Variants in GOLPH3L observed in about 807,000 individuals in gnomAD.
GOLPH3L encodes golgi phosphoprotein 3 like.
A neutral mutation model predicts 30.3 loss-of-function variants in GOLPH3L; 22 were observed. The observed-to-expected ratio is 0.73, with a 90% CI of 0.52 to 1.04. The LOEUF (loss-of-function observed/expected upper bound fraction) is 1.04, where lower values mean the gene tolerates loss of function less well. GOLPH3L is among the 50% of genes least tolerant of loss of function. GOLPH3L has a pLI of 0.00. For synonymous variants in GOLPH3L, 120 were observed against 128.2 expected, an observed-to-expected ratio of 0.94 and a Z score of 0.43; for missense variants, 303 against 345.8, an observed-to-expected ratio of 0.88 and a Z score of 0.98.
At chr1:150,675,779 CAAAAAAAA>C (rs58158655) in intron 2 of GOLPH3L, among the ~76,000 whole-genome samples, 1 of 49,262 alleles carries the variant, frequency 2.0e-5, no homozygotes, top group Non-Finnish European at 3.3e-5. Context: ...GACTCTGTCT[CAAAAAAAA>C]AAAAAAAAAA....
rs587772993 is a variant in GOLPH3L at position 150,671,040 on chromosome 1, G to A, written c.184-7277C>T. Reference sequence around the variant, plus strand: ...GGATCACCTGAGGTCAGGAGTTTGAGACCAGCCTGGCCAACATGGTGAAAC... The same window carrying A: ...GGATCACCTGAGGTCAGGAGTTTGAAACCAGCCTGGCCAACATGGTGAAAC... On this transcript the variant is annotated intron_variant, in intron 2 of 4. Coordinates refer to ENST00000271732, the MANE Select transcript of GOLPH3L (RefSeq NM_018178.6). 2.6e-5 allele frequency among the ~76,000 whole-genome samples: 4 copies of A among 152,112 alleles called. No homozygotes were observed. In the South Asian group the frequency reaches 8.3e-4, roughly 32 times the overall value.
At chr1:150,677,490 A>G (rs919997677) in intron 2 of GOLPH3L, among the ~76,000 whole-genome samples, 9 of 150,368 alleles carry the variant, frequency 6.0e-5, no homozygotes, top group Non-Finnish European at 1.2e-4. Flanking sequence ...CACCTGCCTC[A>G]GCCTCCAAAA....
chr1:150,669,141 G>A (rs955408661), intron 2 of GOLPH3L, among the ~76,000 whole-genome samples: 16 of 152,034 alleles, frequency 1.1e-4, no homozygotes, highest in African/African-American at 3.6e-4. Flanking sequence ...AAACATATAT[G>A]TAGAGTTTTA....
chr1:150,660,275 A>C, intron 4 of GOLPH3L, among the ~76,000 whole-genome samples: 1 of 152,110 alleles, frequency 6.6e-6, no homozygotes, highest in South Asian at 2.1e-4. Flanking sequence ...AAAGAAAAGA[A>C]AGAGAAGAAC....
At chr1:150,657,826 G>T (rs1384216090) in intron 4 of GOLPH3L, among the ~76,000 whole-genome samples, 7 of 152,108 alleles carry the variant, frequency 4.6e-5, no homozygotes. Context: ...GGGGAAACAG[G>T]GATTACAGGA....
At chr1:150,659,693 T>C (rs1413966712) in intron 4 of GOLPH3L, among the ~76,000 whole-genome samples, 1 of 152,146 alleles carries the variant, frequency 6.6e-6, no homozygotes, top group Non-Finnish European at 1.5e-5. Flanking sequence ...GGTTAGGGTC[T>C]CCACAACTGA....
Position 150,694,148 on chromosome 1 carries a change from C to T in GOLPH3L, c.183+508G>A, listed in dbSNP as rs587711405. 2.3e-4 allele frequency: 105 copies of T among 448,384 alleles called. 1 individual carries two copies. The highest frequency in any genetic ancestry group is 1.6e-3 in the South Asian group (98 of 61,666). The allele number at this position is 448,384 out of a possible 1,614,324, so 27.8% of individuals were successfully genotyped here. A position where few individuals can be genotyped will look rare whatever the true frequency, so the allele number is the denominator to read the frequency against. ...TGCTGGGATTACAGGCGTGAGCCAC[C>T]GCGTAATCCAACTGTTGATATTTGC... On this transcript the variant is annotated intron_variant, in intron 2 of 4. Coordinates refer to ENST00000271732, the MANE Select transcript of GOLPH3L (RefSeq NM_018178.6).
chr1:150,678,054 C>T (rs1177878794), intron 2 of GOLPH3L, among the ~76,000 whole-genome samples: 1 of 151,398 alleles, frequency 6.6e-6, no homozygotes, highest in African/African-American at 2.4e-5. Context: ...AATCCCAGCA[C>T]TTTGGGAGGC....
intron 2 of GOLPH3L, among the ~76,000 whole-genome samples, chr1:150,680,968 T>C (rs1046599042): frequency 4.3e-4 from 66 of 152,038 alleles, no homozygotes; most frequent in Admixed American, 9.2e-4. Flanking sequence ...GGTGAAACCC[T>C]GTCTCTACTG....
Position 150,648,704 on chromosome 1 carries a change from C to T in GOLPH3L, c.475G>A (p.Val159Ile). The change falls in exon 5 of 5, where the codon GTA (valine) becomes ATA (isoleucine). Residue 159 changes from valine (V) to isoleucine (I), a missense_variant. Transcript: ENST00000271732. ...PFKLQYQLRN[V>I]RERIAKNLVE... ...AGGTTCTTTGCGATGCGCTCTCGTA[C>T]ATTTCTCAGCTGGTACTGTAATTTG... 9.9e-6 allele frequency: 16 copies of T among 1,612,760 alleles called. No homozygotes were observed. Among genetic ancestry groups the T allele is most frequent in the Non-Finnish European group, 1.4e-5 (16 of 1,178,810 alleles).
At chr1:150,654,915 C>A (rs1287664674) in intron 4 of GOLPH3L, among the ~76,000 whole-genome samples, 1 of 152,198 alleles carries the variant, frequency 6.6e-6, no homozygotes, top group Non-Finnish European at 1.5e-5. Flanking sequence ...AGTACAAATA[C>A]ATACAGGAGT....
chr1:150,676,289 C>T (rs891080286), intron 2 of GOLPH3L, among the ~76,000 whole-genome samples: 1 of 151,866 alleles, frequency 6.6e-6, no homozygotes, highest in African/African-American at 2.4e-5. Context: ...TTCAAACATA[C>T]ACAAAGTAGA....
chr1:150,660,667 A>G (rs1650347962), intron 4 of GOLPH3L, among the ~76,000 whole-genome samples: 1 of 152,238 alleles, frequency 6.6e-6, no homozygotes, highest in African/African-American at 2.4e-5. Context: ...ATGCTTGGTG[A>G]ATAAGCTAGG....
intron 1 of GOLPH3L, among the ~76,000 whole-genome samples, chr1:150,695,646 G>A (rs1651335053): frequency 6.6e-6 from 1 of 152,056 alleles, no homozygotes; most frequent in Non-Finnish European, 1.5e-5. Context: ...AAAATAGAAA[G>A]TAAAAAAGAA....
At chr1:150,651,126 G>A (rs1650095254) in intron 4 of GOLPH3L, among the ~76,000 whole-genome samples, 1 of 152,186 alleles carries the variant, frequency 6.6e-6, no homozygotes, top group Non-Finnish European at 1.5e-5. Context: ...AGACAAGCCT[G>A]GCCAACATGG....
At chr1:150,683,813 G>C (rs1024568746) in intron 2 of GOLPH3L, among the ~76,000 whole-genome samples, 1 of 149,878 alleles carries the variant, frequency 6.7e-6, no homozygotes, top group African/African-American at 2.5e-5. Context: ...GATACTTCCT[G>C]AGAGTGAGCT....
intron 2 of GOLPH3L, among the ~76,000 whole-genome samples, chr1:150,671,097 C>A (rs587676909): frequency 5.8e-4 from 88 of 152,072 alleles, no homozygotes; most frequent in Admixed American, 9.8e-4. Flanking sequence ...AAAAAATTAG[C>A]CGGGCATGGT....
intron 4 of GOLPH3L, among the ~76,000 whole-genome samples, chr1:150,660,329 C>G (rs1317708577): frequency 6.6e-6 from 1 of 152,002 alleles, no homozygotes; most frequent in Non-Finnish European, 1.5e-5. Context: ...CTGGTGCATA[C>G]TGGTGGGAAT....
chr1:150,683,441 CAGG>C (rs1187438349), intron 2 of GOLPH3L, among the ~76,000 whole-genome samples: 1 of 145,700 alleles, frequency 6.9e-6, no homozygotes, highest in Non-Finnish European at 1.5e-5. Context: ...GAGGCTGAGG[CAGG>C]AGAATGGCGT....
Sources: gnomAD v4.1 joint callset for allele counts (sites outside exome capture counted in the v4.1 genomes callset) on GRCh38, gnomAD v4.1.1 for gene constraint, MANE v1.5 for transcripts, NCBI Gene and HGNC (gene_info 2026-07-23, HGNC 2026-07-21) for gene names.